MNT: variants seen among roughly 807,000 people sequenced by gnomAD.
The protein encoded by MNT is max-binding protein MNT.
MNT carries 13 observed loss-of-function variants against 40.7 expected under a neutral mutation model. The ratio of observed to expected loss-of-function variants is 0.32; its 90% CI spans 0.21 to 0.51. The LOEUF is 0.51. Among genes scored for constraint, MNT ranks in the 20% least tolerant of loss-of-function variants. MNT has a pLI of 0.98. For missense variants in MNT, 757 were observed against 792.0 expected, an observed-to-expected ratio of 0.96 and a Z score of 0.53; for synonymous variants, 426 against 354.8, an observed-to-expected ratio of 1.20 and a Z score of -2.26.
rs901141087 is a variant in MNT at position 2,395,173 on chromosome 17, G to A, written c.355C>T (p.Arg119Cys). ...AAAQPLPLAP[R>C]QPALVGAPGL... ...GGGGCGCCAACCAGGGCCGGCTGAC[G>A]AGGCGCCAGGGGCAGAGGCTGGGCT... is the stretch of plus-strand genomic sequence containing the variant. The change falls in exon 2 of 6, where the codon CGT becomes TGT. Residue 119 changes from arginine (R) to cysteine (C), a missense_variant. Physicochemically the swap from Arg to Cys is radical, Grantham distance 180. Around this residue, in one of 4 missense-constraint regions of MNT, gnomAD observed 335 missense variants for 291.4 expected, o/e 1.15. Coordinates refer to ENST00000174618, the MANE Select transcript of MNT (RefSeq NM_020310.3). 17 of 1,456,316 alleles carry A rather than the reference G, an allele frequency of 1.2e-5. No individual in the cohort carries two copies. Among genetic ancestry groups the A allele is most frequent in the South Asian group, 8.5e-5 (6 of 70,566 alleles). 90.2% of individuals were successfully genotyped at this position (1,456,316 alleles called of 1,614,324 possible).
At chr17:2,399,251 A>C (rs2066598076) in intron 1 of MNT, among the ~76,000 whole-genome samples, 1 of 151,870 alleles carries the variant, frequency 6.6e-6, no homozygotes, top group Non-Finnish European at 1.5e-5. Context: ...ACCCTGGAAA[A>C]GGGAGGTCTT....
rs755785772 is a variant in MNT at position 2,400,939 on chromosome 17, C to CAA, written c.-229_-228dup. The CAA allele has an allele frequency of 1.3e-3, 313 of 245,578 alleles. 1 individual carries two copies. Among genetic ancestry groups the CAA allele is most frequent in the African/African-American group, 5.6e-3 (211 of 37,666 alleles). 15.2% of individuals were successfully genotyped at this position (245,578 alleles called of 1,614,324 possible). A position where few individuals can be genotyped will look rare whatever the true frequency, so the allele number is the denominator to read the frequency against. ...ATTGCAAATTTAAAAAAATGGGATG[C>CAA]AAAAAAAAAAAAAAGGCGGCACTGC... On this transcript the variant is annotated 5_prime_UTR_variant, in exon 1 of 6. Coordinates refer to ENST00000174618, the MANE Select transcript of MNT (RefSeq NM_020310.3).
rs1006255218 is a variant in MNT, at chr17:2,387,329, T to A, written c.1321A>T (p.Ile441Phe). 16 of 1,612,994 alleles carry A rather than the reference T, an allele frequency of 9.9e-6. No homozygotes were observed. The highest frequency in any genetic ancestry group is 1.3e-5 in the Non-Finnish European group (15 of 1,179,732). Residue 441 changes from isoleucine to phenylalanine, a missense_variant, in exon 6 of 6, where the codon ATC becomes TTC. Coordinates refer to ENST00000174618, the MANE Select transcript of MNT (RefSeq NM_020310.3). ...GCGTGAGTGGTGGCTGTGTGGGCGA[T>A]GACCGTGGAGCCACCCCCAGCCGTC... The part of the protein sequence containing the change: ...VATAGGGSTV[I>F]AHTATTHASV...
At chr17:2,394,395 G>A (rs200435978) in intron 2 of MNT, 49 bp from the exon 3 acceptor site, 7 of 1,611,600 alleles carry the variant, frequency 4.3e-6, no homozygotes, top group Admixed American at 3.3e-5. Context: ...TCGATTAGAC[G>A]GCCTTCCTGA....
In MNT at chr17:2,384,610, G is replaced by GTT. The variant is rs1410772717; in HGVS notation, c.*2290_*2291insAA. The GTT allele has an allele frequency of 6.5e-6, 1 of 153,430 alleles. No homozygotes were observed. The highest frequency in any genetic ancestry group is 1.4e-5 in the Non-Finnish European group (1 of 69,006). 9.5% of individuals were successfully genotyped at this position (153,430 alleles called of 1,614,324 possible). On this transcript the variant is annotated 3_prime_UTR_variant, in exon 6 of 6. Transcript: ENST00000174618. Reference sequence around the variant, plus strand: ...TGCGTGTGCGTGCGTGTGTGTGTGTGTGTGTGTGTGTGTGTGTCCCAGGCT... The same window carrying GTT: ...TGCGTGTGCGTGCGTGTGTGTGTGTGTTTGTGTGTGTGTGTGTGTCCCAGGCT...
Position 2,386,693 on chromosome 17 carries a change from TCA to T in MNT, c.*206_*207del, listed in dbSNP as rs1277207326. 1.4e-5 allele frequency: 7 copies of T among 491,766 alleles called. No homozygotes were observed. Among genetic ancestry groups the T allele is most frequent in the African/African-American group, 1.2e-4 (6 of 50,038 alleles). 30.5% of individuals were successfully genotyped at this position (491,766 alleles called of 1,614,324 possible). A position where few individuals can be genotyped will look rare whatever the true frequency, so the allele number is the denominator to read the frequency against. The stretch of plus-strand genomic sequence containing the variant: ...CATTCCATCAGAGTCTCGCATTTTC[TCA>T]GAGTCATCTTACCAAGTCCTAGTGC... On this transcript the variant is annotated 3_prime_UTR_variant, in exon 6 of 6. Coordinates refer to ENST00000174618, the MANE Select transcript of MNT (RefSeq NM_020310.3).
At chr17:2,393,946 C>G in intron 4 of MNT, 97 bp downstream of exon 4, 1 of 745,004 alleles carries the variant, frequency 1.3e-6, no homozygotes, top group Non-Finnish European at 1.9e-6. Flanking sequence ...CGCGGGGGAG[C>G]CGCCGGGGCG....
rs2066465230 is a variant in MNT at position 2,386,763 on chromosome 17, C to A, written c.*138G>T. On this transcript the variant is annotated 3_prime_UTR_variant, in exon 6 of 6. Coordinates refer to ENST00000174618, the MANE Select transcript of MNT (RefSeq NM_020310.3). ...CTCCCTTGGCTCAGAGTCTTTGCAC[C>A]CCCTTCCCCTAGGAGGCCTGGGGGT... 1.1e-6 allele frequency: 1 copy of A among 894,222 alleles called. No individual in the cohort carries two copies. The highest frequency in any genetic ancestry group is 2.1e-5 in the South Asian group (1 of 46,876). The allele number at this position is 894,222 out of a possible 1,614,324, so 55.4% of individuals were successfully genotyped here.
In MNT at chr17:2,394,046, G is replaced by A; in HGVS notation, c.804C>T (p.Ile268=). The A allele has an allele frequency of 1.3e-6, 2 of 1,595,800 alleles. No homozygotes were observed. The highest frequency in any genetic ancestry group is 1.7e-5 in the Admixed American group (1 of 58,498). Residue 268 remains isoleucine, a synonymous_variant, in exon 4 of 6, where the codon ATC becomes ATT. Coordinates refer to ENST00000174618, the MANE Select transcript of MNT (RefSeq NM_020310.3). ...CGCCGGCCTCCGGGCCCCATACCTGGATGTACCGCAGCGCCGTCCGCAGCA... is the reference window on the plus strand; with the variant it reads ...CGCCGGCCTCCGGGCCCCATACCTGAATGTACCGCAGCGCCGTCCGCAGCA... ...LSVLRTALRY[I]QSLKRKEKEY... is the part of the protein sequence containing the mutation.
intron 4 of MNT, chr17:2,389,780 T>G (rs186637187): frequency 1.3e-5 from 2 of 150,710 alleles, no homozygotes; most frequent in Non-Finnish European, 3.0e-5. Context: ...GAGAAGGGGG[T>G]GGTGTCTCCA....
chr17:2,388,661 A>G (rs1597415391), intron 4 of MNT, among the ~76,000 whole-genome samples: 2 of 152,046 alleles, frequency 1.3e-5, no homozygotes, highest in South Asian at 2.1e-4. Context: ...ACTCCCCTCC[A>G]GACTCCCTGG....
Position 2,395,082 on chromosome 17 carries a change from A to G in MNT, c.446T>C (p.Leu149Pro). The change falls in exon 2 of 6, where the codon CTA becomes CCA. Residue 149 changes from leucine (L) to proline (P), a missense_variant. This residue lies in a region of MNT where 335 missense variants were observed against 291.4 expected (regional missense o/e 1.15). Coordinates refer to ENST00000174618, the MANE Select transcript of MNT (RefSeq NM_020310.3). ...AATGGTGGCCTTCGAGTCCGGCAGT[A>G]GGGGAGCAGGGGTGGGCACCTGCGG... is the stretch of plus-strand genomic sequence containing the variant. ...SRPQVPTPAP[L>P]LPDSKATIPP... The G allele has an allele frequency of 1.3e-6, 2 of 1,521,138 alleles. No homozygotes were observed. The highest frequency in any genetic ancestry group is 2.1e-5 in the Admixed American group (1 of 46,516). 94.2% of individuals were successfully genotyped at this position (1,521,138 alleles called of 1,614,324 possible).
In MNT at chr17:2,394,611, A is replaced by G. The variant is rs1195743690; in HGVS notation, c.653+264T>C. On this transcript the variant is annotated intron_variant, in intron 2 of 5. Coordinates refer to ENST00000174618, the MANE Select transcript of MNT (RefSeq NM_020310.3). ...GACTCAGAGGCAGCCGGTTGACCCC[A>G]GCCCTCACCCAAGAGGCCCATACTC... Among the ~76,000 whole-genome samples the G allele has an allele frequency of 5.9e-5, 9 of 152,120 alleles. No homozygotes were observed. The South Asian group carries it at 1.9e-3, about 32-fold the overall frequency.
At chr17:2,393,257 G>T (rs528400148) in intron 4 of MNT, among the ~76,000 whole-genome samples, 1 of 151,860 alleles carries the variant, frequency 6.6e-6, no homozygotes, top group South Asian at 2.1e-4. Flanking sequence ...AGCCCCGCCG[G>T]TTTCCAGGGA....
chr17:2,395,214 G>C lies in MNT; in HGVS notation c.314C>G (p.Pro105Arg). The change falls in exon 2 of 6, where the codon CCA becomes CGA. Residue 105 changes from proline to arginine, a missense_variant. Pro to Arg is a moderately radical substitution (Grantham distance 103). Coordinates refer to ENST00000174618, the MANE Select transcript of MNT (RefSeq NM_020310.3). ...AGGCTGGGCTGCCGCGGGCAAGGGTGGGGGTGGGGGTAGAGGCTGAGGGGA... is the reference window on the plus strand; with the variant it reads ...AGGCTGGGCTGCCGCGGGCAAGGGTCGGGGTGGGGGTAGAGGCTGAGGGGA... The part of the protein sequence containing the change: ...TNSPQPLPPP[P>R]PLPAAAQPLP... 3 of 1,469,246 alleles carry C rather than the reference G, an allele frequency of 2.0e-6. No individual in the cohort carries two copies. Among genetic ancestry groups the C allele is most frequent in the Non-Finnish European group, 1.8e-6 (2 of 1,110,148 alleles). 91.0% of individuals were successfully genotyped at this position (1,469,246 alleles called of 1,614,324 possible). A position where few individuals can be genotyped will look rare whatever the true frequency, so the allele number is the denominator to read the frequency against.
chr17:2,395,115 G>A lies in MNT; in HGVS notation c.413C>T (p.Pro138Leu). 4.7e-6 allele frequency: 7 copies of A among 1,481,758 alleles called. 1 individual carries two copies. Among genetic ancestry groups the A allele is most frequent in the South Asian group, 4.2e-5 (3 of 71,720 alleles). The allele number at this position is 1,481,758 out of a possible 1,614,324, so 91.8% of individuals were successfully genotyped here. ...AGGGGTGGGCACCTGCGGCCTGCTGGGCAGGGGGGCAGGCTCCTTAATGCT... is the reference window on the plus strand; with the variant it reads ...AGGGGTGGGCACCTGCGGCCTGCTGAGCAGGGGGGCAGGCTCCTTAATGCT... ...GLSIKEPAPL[P>L]SRPQVPTPAP... Residue 138 changes from proline to leucine, a missense_variant, in exon 2 of 6, where the codon CCC becomes CTC. Pro to Leu is a moderately conservative substitution (Grantham distance 98, BLOSUM62 -3). Around this residue, in one of 4 missense-constraint regions of MNT, gnomAD observed 335 missense variants for 291.4 expected, o/e 1.15. Transcript: ENST00000174618.
intron 4 of MNT, among the ~76,000 whole-genome samples, chr17:2,392,474 G>A (rs899658006): frequency 6.6e-6 from 1 of 152,234 alleles, no homozygotes; most frequent in Non-Finnish European, 1.5e-5. Context: ...TCTGCAAAGA[G>A]GAACTCGCCA....
chr17:2,395,679 CA>C (rs1204957954), intron 1 of MNT, among the ~76,000 whole-genome samples: 60 of 151,988 alleles, frequency 3.9e-4, no homozygotes, highest in East Asian at 2.7e-3. Context: ...AATAGTAGGA[CA>C]GTCACGGGGG....
At chr17:2,395,553 C>A in intron 1 of MNT, 99 bp from the exon 2 acceptor site, 1 of 1,543,696 alleles carries the variant, frequency 6.5e-7, no homozygotes, top group Non-Finnish European at 8.7e-7. Flanking sequence ...TACTCAGTGA[C>A]ACCCCTGCTC....
Sources: allele counts gnomAD v4.1 joint callset (sites outside exome capture counted in the v4.1 genomes callset), GRCh38; gene constraint gnomAD v4.1.1; regional missense constraint gnomAD v4.1.1; transcripts MANE v1.5; gene names NCBI Gene and HGNC (gene_info 2026-07-23, HGNC 2026-07-21).